The following CNTNAP2 variants were observed in gnomAD, a reference collection of about 807,000 sequenced individuals.
CNTNAP2 encodes contactin-associated protein-like 2.
CNTNAP2 carries 98 observed loss-of-function variants against 155.2 expected under a neutral mutation model. The observed-to-expected ratio is 0.63, with a 90% CI of 0.54 to 0.75. The LOEUF (loss-of-function observed/expected upper bound fraction) is 0.75, where lower values mean the gene tolerates loss of function less well. CNTNAP2 is among the 30% of genes least tolerant of loss of function. The pLI is 0.00. For missense variants in CNTNAP2, 1,727 were observed against 1,688.1 expected (o/e 1.02, Z -0.40); for synonymous variants, 651 against 631.2 (o/e 1.03, Z -0.47).
intron 1 of CNTNAP2, among the ~76,000 whole-genome samples, chr7:146,605,007 T>C (rs911820617): frequency 3.5e-5 from 5 of 142,396 alleles, no homozygotes; most frequent in African/African-American, 1.3e-4. Flanking sequence ...TGCACCAGCA[T>C]GGCACATGTA....
chr7:146,910,950 A>G (rs1796261247), intron 3 of CNTNAP2, among the ~76,000 whole-genome samples: 1 of 151,268 alleles, frequency 6.6e-6, no homozygotes, highest in East Asian at 1.9e-4. Context: ...AACTCAAACA[A>G]ATTTACAAGA....
chr7:147,467,616 G>T lies in CNTNAP2; in HGVS notation c.1671-18319G>T, dbSNP rs1038584120. On this transcript the variant is annotated intron_variant, in intron 10 of 23. Coordinates refer to ENST00000361727, the MANE Select transcript of CNTNAP2 (RefSeq NM_014141.6). ...GGGCGACGGATACATTAAAAGCTCA[G>T]ACTTCACCATATATGGATGTGAGAC... Among the ~76,000 whole-genome samples the T allele has an allele frequency of 3.3e-5, 5 of 152,264 alleles. No homozygotes were observed. In the South Asian group the frequency reaches 1.0e-3, roughly 32 times the overall value.
intron 13 of CNTNAP2, among the ~76,000 whole-genome samples, chr7:147,739,740 G>A (rs113152051): frequency 0.032 from 4,793 of 151,778 alleles, 244 homozygotes; most frequent in African/African-American, 0.11. Context: ...GTCTATGCTG[G>A]CTCTCATACA....
intron 8 of CNTNAP2, among the ~76,000 whole-genome samples, chr7:147,169,220 T>C (rs998674983): frequency 6.6e-6 from 1 of 152,228 alleles, no homozygotes; most frequent in Non-Finnish European, 1.5e-5. Context: ...GTCTTTATTA[T>C]TGAATCACAG....
intron 1 of CNTNAP2, among the ~76,000 whole-genome samples, chr7:146,204,719 T>A (rs186368967): frequency 2.0e-4 from 30 of 152,204 alleles, no homozygotes; most frequent in Admixed American, 1.3e-3. Context: ...ATAATTCATA[T>A]TAAAAATATC....
chr7:146,852,346 A>G (rs1016180853), intron 3 of CNTNAP2, among the ~76,000 whole-genome samples: 1 of 152,198 alleles, frequency 6.6e-6, no homozygotes, highest in African/African-American at 2.4e-5. Flanking sequence ...ATATGCTTGA[A>G]TCAAACGACT....
At chr7:147,784,536 T>G (rs1331418368) in intron 13 of CNTNAP2, among the ~76,000 whole-genome samples, 1 of 85,792 alleles carries the variant, frequency 1.2e-5, no homozygotes, top group African/African-American at 5.4e-5. Flanking sequence ...TATATATATA[T>G]ATATATATAT....
chr7:147,120,762 C>T (rs1053894078), intron 5 of CNTNAP2, among the ~76,000 whole-genome samples: 2 of 151,976 alleles, frequency 1.3e-5, no homozygotes, highest in South Asian at 4.1e-4. Context: ...AGGTATATCT[C>T]CCAATGCTAT....
At chr7:147,775,358 T>TA (rs1491467889) in intron 13 of CNTNAP2, among the ~76,000 whole-genome samples, 15 of 45,614 alleles carry the variant, frequency 3.3e-4, no homozygotes, top group African/African-American at 5.2e-4. Context: ...TTTATATATA[T>TA]TTATAAATAT....
intron 1 of CNTNAP2, among the ~76,000 whole-genome samples, chr7:146,606,841 C>T (rs1349661387): frequency 2.0e-5 from 3 of 152,110 alleles, no homozygotes; most frequent in Non-Finnish European, 4.4e-5. Flanking sequence ...AATAAGCAGT[C>T]GGTGAGTGTC....
chr7:146,180,873 G>T (rs1462558322), intron 1 of CNTNAP2, among the ~76,000 whole-genome samples: 2 of 152,180 alleles, frequency 1.3e-5, no homozygotes, highest in African/African-American at 4.8e-5. Context: ...TTCAAAACCA[G>T]TTCATCTGAA....
In CNTNAP2 at chr7:147,044,201, CATAT is replaced by C. The variant is rs148378854; in HGVS notation, c.550+155_550+158del. On this transcript the variant is annotated intron_variant, in intron 4 of 23. Coordinates refer to ENST00000361727, the MANE Select transcript of CNTNAP2 (RefSeq NM_014141.6). The stretch of plus-strand genomic sequence containing the variant: ...ATATATATGTATCTATGCATAGATA[CATAT>C]ATATATAATAAAAGGTTGTGTCTCT... 10 of 779,208 alleles carry C rather than the reference CATAT, an allele frequency of 1.3e-5. No homozygotes were observed. The African/African-American group carries it at 1.4e-4, about 11-fold the overall frequency. 48.3% of individuals were successfully genotyped at this position (779,208 alleles called of 1,614,324 possible). A position where few individuals can be genotyped will look rare whatever the true frequency, so the allele number is the denominator to read the frequency against.
intron 4 of CNTNAP2, among the ~76,000 whole-genome samples, chr7:147,059,269 C>A (rs1465460205): frequency 1.3e-5 from 2 of 152,034 alleles, no homozygotes; most frequent in Non-Finnish European, 2.9e-5. Flanking sequence ...GTGGTTGATG[C>A]CATTAAATTG....
At chr7:146,176,251 T>A (rs956138313) in intron 1 of CNTNAP2, among the ~76,000 whole-genome samples, 1 of 152,216 alleles carries the variant, frequency 6.6e-6, no homozygotes, top group African/African-American at 2.4e-5. Flanking sequence ...TGAAGACTCA[T>A]GTTTGATAAT....
chr7:148,073,880 G>C (rs1803428446), intron 15 of CNTNAP2, among the ~76,000 whole-genome samples: 1 of 152,012 alleles, frequency 6.6e-6, no homozygotes, highest in Non-Finnish European at 1.5e-5. Flanking sequence ...CATGTATATA[G>C]AGAGCTGACT....
chr7:148,252,423 G>T (rs1385251450), intron 20 of CNTNAP2, among the ~76,000 whole-genome samples: 1 of 152,088 alleles, frequency 6.6e-6, no homozygotes, highest in African/African-American at 2.4e-5. Flanking sequence ...TCCTCCCTGG[G>T]ATTTCCAAGG....
chr7:146,985,230 A>C (rs576995033), intron 3 of CNTNAP2, among the ~76,000 whole-genome samples: 16 of 151,822 alleles, frequency 1.1e-4, no homozygotes, highest in African/African-American at 3.9e-4. Context: ...TCATTACATC[A>C]AAAAAAATAT....
intron 1 of CNTNAP2, among the ~76,000 whole-genome samples, chr7:146,311,099 T>G (rs1800813180): frequency 6.6e-6 from 1 of 152,210 alleles, no homozygotes; most frequent in African/African-American, 2.4e-5. Flanking sequence ...TCATTGTGAT[T>G]CTGAAGCTTT....
intron 9 of CNTNAP2, among the ~76,000 whole-genome samples, chr7:147,394,535 A>G (rs538178275): frequency 8.5e-5 from 13 of 152,166 alleles, no homozygotes; most frequent in Non-Finnish European, 5.9e-5. Flanking sequence ...AAATTTGCCC[A>G]GTAGGCAGAT....
Sources: gnomAD v4.1 joint callset for allele counts (sites outside exome capture counted in the v4.1 genomes callset) on GRCh38, gnomAD v4.1.1 for gene constraint, MANE v1.5 for transcripts, NCBI Gene and HGNC (gene_info 2026-07-23, HGNC 2026-07-21) for gene names.